Variants in DMD observed in about 807,000 individuals in gnomAD.
DMD encodes mutant dystrophin.
In DMD, 63 loss-of-function variants were observed where a neutral mutation model predicts 330.1. That is an observed-to-expected ratio of 0.19 (90% CI 0.16 to 0.24). DMD has a LOEUF of 0.24. Ranked by LOEUF, DMD falls within the 10% of genes least tolerant of loss-of-function variation. The pLI is 1.00. For synonymous variants in DMD, 1,223 were observed against 959.8 expected, an observed-to-expected ratio of 1.27 and a Z score of -5.07; for missense variants, 3,344 against 2,684.1, an observed-to-expected ratio of 1.25 and a Z score of -5.43.
At chrX:32,040,205 G>A (rs1414754767) in intron 44 of DMD, among the ~76,000 whole-genome samples, 2 of 111,889 alleles carry the variant, frequency 1.8e-5, no homozygotes, top group Non-Finnish European at 3.8e-5. Context: ...ATTCAAGGTC[G>A]TTGGAGTGAC....
intron 2 of DMD, among the ~76,000 whole-genome samples, chrX:32,917,842 A>G (rs753572166): frequency 4.5e-5 from 5 of 111,276 alleles, no homozygotes; most frequent in Non-Finnish European, 9.4e-5. Context: ...CTCCCAGTAC[A>G]TCCTGTCATG....
rs142385488 is a variant in DMD, at chrX:31,356,238, C to T, written c.9085-7604G>A. ...TGACTTATGGCATTGATACTAATGC[C>T]GTGCCATCTGAGACCATCCTTAATC... On this transcript the variant is annotated intron_variant, in intron 60 of 78. Transcript: ENST00000357033. Among the ~76,000 whole-genome samples the T allele has an allele frequency of 7.0e-3, 785 of 111,509 alleles. 9 individuals carry two copies. The highest frequency in any genetic ancestry group is 0.024 in the African/African-American group (736 of 30,727).
rs747245739 is a variant in DMD at position 32,346,025 on chromosome X, T to A, written c.5504A>T (p.Gln1835Leu). The A allele has an allele frequency of 1.7e-6, 2 of 1,208,133 alleles. No individual in the cohort carries two copies. Among genetic ancestry groups the A allele is most frequent in the East Asian group, 5.9e-5 (2 of 33,664 alleles). The stretch of plus-strand genomic sequence containing the variant: ...CTTTCTCTCATCTGTGATTCTTTGT[T>A]GTAAGTTGTCTCCTCTTTGCAACAA... ...KELLQRGDNL[Q>L]QRITDERKRE... is the part of the protein sequence containing the mutation. Residue 1835 changes from glutamine to leucine, a missense_variant, in exon 39 of 79, where the codon CAA becomes CTA. Gln to Leu is a moderately radical substitution (Grantham distance 113, BLOSUM62 -2). Coordinates refer to ENST00000357033, the MANE Select transcript of DMD (RefSeq NM_004006.3).
rs770929827 is a variant in DMD, at chrX:31,529,463, C to T, written c.8218-22010G>A. On this transcript the variant is annotated intron_variant, in intron 55 of 78. Transcript: ENST00000357033. ...AATAACAGGGATAAACTGGGACAGC[C>T]GGAGACAAATTAGGATAGATGAACC... is the stretch of plus-strand genomic sequence containing the variant. Among the ~76,000 whole-genome samples the T allele has an allele frequency of 3.5e-3, 385 of 111,406 alleles. 4 individuals are homozygous for T. The highest frequency in any genetic ancestry group is 8.5e-3 in the African/African-American group (262 of 30,708).
intron 4 of DMD, among the ~76,000 whole-genome samples, chrX:32,840,988 G>A (rs1021942777): frequency 1.8e-4 from 20 of 111,767 alleles, no homozygotes; most frequent in African/African-American, 5.2e-4. Flanking sequence ...TCTTTAATTA[G>A]TTGCCTGAAT....
intron 63 of DMD, among the ~76,000 whole-genome samples, chrX:31,227,877 A>G (rs1427937037): frequency 9.1e-6 from 1 of 110,470 alleles, no homozygotes; most frequent in Non-Finnish European, 1.9e-5. Context: ...ACAATGATAG[A>G]CTGGATTAAG....
intron 7 of DMD, among the ~76,000 whole-genome samples, chrX:32,730,970 G>A (rs1013822497): frequency 1.3e-4 from 15 of 111,777 alleles, no homozygotes; most frequent in East Asian, 5.7e-4. Context: ...CGCAGAAGAC[G>A]GGTGATTTCT....
intron 2 of DMD, among the ~76,000 whole-genome samples, chrX:33,015,484 G>A (rs762768344): frequency 1.8e-5 from 2 of 110,720 alleles, no homozygotes; most frequent in Admixed American, 9.7e-5. Flanking sequence ...GACACATAGA[G>A]GGGAACAACA....
At chrX:31,924,535 G>A (rs1427970198) in intron 47 of DMD, among the ~76,000 whole-genome samples, 2 of 111,748 alleles carry the variant, frequency 1.8e-5, no homozygotes, top group Middle Eastern at 4.3e-3. Flanking sequence ...TGTATATTGT[G>A]GAAGATAGTT....
intron 1 of DMD, among the ~76,000 whole-genome samples, chrX:33,261,356 A>G (rs906005526): frequency 1.8e-5 from 2 of 110,659 alleles, no homozygotes; most frequent in Admixed American, 9.7e-5. Flanking sequence ...ACTTAGACAC[A>G]ATCTTGGCAC....
chrX:33,149,514 AC>A (rs1190847817), intron 1 of DMD, among the ~76,000 whole-genome samples: 1 of 111,549 alleles, frequency 9.0e-6, no homozygotes, highest in Non-Finnish European at 1.9e-5. Context: ...GGGGTTGGGG[AC>A]CCCTGCAGTG....
Position 31,875,166 on chromosome X carries a change from T to C in DMD, c.7098+22A>G. Reference sequence around the variant, plus strand: ...ATTTTTCTTAAAAAAGACAAAAATATTTAAAGCAAAAAGTTCCCTACCTTA... The same window carrying C: ...ATTTTTCTTAAAAAAGACAAAAATACTTAAAGCAAAAAGTTCCCTACCTTA... On this transcript the variant is annotated intron_variant, in intron 48 of 78. Coordinates refer to ENST00000357033, the MANE Select transcript of DMD (RefSeq NM_004006.3). The C allele has an allele frequency of 2.5e-6, 3 of 1,182,837 alleles. No individual in the cohort carries two copies. The South Asian group carries it at 5.6e-5, about 22-fold the overall frequency.
At chrX:32,291,430 A>G (rs141156110) in intron 42 of DMD, among the ~76,000 whole-genome samples, 451 of 111,872 alleles carry the variant, frequency 4.0e-3, no homozygotes, top group Non-Finnish European at 7.2e-3. Flanking sequence ...TTTTTCGGAA[A>G]GTACATATAT....
intron 46 of DMD, among the ~76,000 whole-genome samples, chrX:31,930,483 A>G (rs2094839641): frequency 9.0e-6 from 1 of 111,000 alleles, no homozygotes; most frequent in Non-Finnish European, 1.9e-5. Context: ...CAAAATCACC[A>G]TGGTGTTAAC....
chrX:31,126,795 C>A, intron 77 of DMD, 122 bp from the exon 78 acceptor site: 54 of 302,366 alleles, frequency 1.8e-4, no homozygotes, highest in East Asian at 3.0e-4. Flanking sequence ...ACCATTTATT[C>A]TCTGCTGGAA....
rs376332493 is a variant in DMD, at chrX:31,380,677, T to C, written c.9085-32043A>G. Among the ~76,000 whole-genome samples the C allele has an allele frequency of 9.4e-3, 1,040 of 111,137 alleles. 16 individuals carry two copies. The highest frequency in any genetic ancestry group is 0.032 in the African/African-American group (973 of 30,436). ...ACCAAATTGTTTTGCCTATCAACCCTGTGGTGCCAAACCCATATACTCTCC... is the reference window on the plus strand; with the variant it reads ...ACCAAATTGTTTTGCCTATCAACCCCGTGGTGCCAAACCCATATACTCTCC... On this transcript the variant is annotated intron_variant, in intron 60 of 78. Transcript: ENST00000357033.
At chrX:32,719,347 C>T (rs1344329829) in intron 7 of DMD, among the ~76,000 whole-genome samples, 3 of 111,974 alleles carry the variant, frequency 2.7e-5, no homozygotes, top group Non-Finnish European at 5.6e-5. Context: ...AAAATCAGCA[C>T]TGAGCTTTCA....
At chrX:32,150,105 G>A (rs1366262000) in intron 44 of DMD, among the ~76,000 whole-genome samples, 2 of 112,355 alleles carry the variant, frequency 1.8e-5, no homozygotes, top group African/African-American at 6.5e-5. Flanking sequence ...CGATTAGGGA[G>A]CTAGTTGTTG....
chrX:32,183,980 G>A (rs142873024), intron 44 of DMD, among the ~76,000 whole-genome samples: 1,313 of 110,493 alleles, frequency 0.012, 15 homozygotes, highest in African/African-American at 0.041. Flanking sequence ...TGAAAAATGA[G>A]TCAACCCTTG....
Sources: gnomAD v4.1 joint callset for allele counts (sites outside exome capture counted in the v4.1 genomes callset) on GRCh38, gnomAD v4.1.1 for gene constraint, MANE v1.5 for transcripts, NCBI Gene and HGNC (gene_info 2026-07-23, HGNC 2026-07-21) for gene names.